ARID1A: variants seen among roughly 807,000 people sequenced by gnomAD.
The protein encoded by ARID1A is AT-rich interaction domain 1A.
Under a neutral mutation model 212.6 loss-of-function variants are expected in ARID1A, and 20 were observed. The ratio of observed to expected loss-of-function variants is 0.09; its 90% CI spans 0.07 to 0.14. The LOEUF is 0.14. ARID1A is among the 10% of genes least tolerant of loss of function. The probability of loss-of-function intolerance (pLI) is 1.00; values close to 1 mark genes in which losing one functional copy is unlikely to be tolerated. For missense variants in ARID1A, 2,587 were observed against 3,059.0 expected (o/e 0.85, Z 3.64); for synonymous variants, 1,376 against 1,222.1 (o/e 1.13, Z -2.63).
chr1:26,729,819 G>A lies in ARID1A; in HGVS notation c.1306G>A (p.Gly436Ser), dbSNP rs2124785615. The A allele has an allele frequency of 6.2e-7, 1 of 1,614,194 alleles. No individual in the cohort carries two copies. Among genetic ancestry groups the A allele is most frequent in the Admixed American group, 1.7e-5 (1 of 60,032 alleles). Residue 436 changes from glycine to serine, a missense_variant, in exon 2 of 20, where the codon GGC becomes AGC. This residue lies in a region of ARID1A where 674 missense variants were observed against 813.4 expected (regional missense o/e 0.83). Coordinates refer to ENST00000324856, the MANE Select transcript of ARID1A (RefSeq NM_006015.6). ...GCAGCGGTACCCGATGACCATGCAG[G>A]GCCGGGCGCAGAGTGCCATGGGCGG... Reference protein sequence around the residue: ...TPQRYPMTMQGRAQSAMGGLS... With the variant: ...TPQRYPMTMQSRAQSAMGGLS...
chr1:26,754,812 T>G (rs568582098), intron 4 of ARID1A, among the ~76,000 whole-genome samples: 1 of 152,204 alleles, frequency 6.6e-6, no homozygotes. Context: ...AGGCATCAGC[T>G]TCCTCATCTT....
At chr1:26,757,727 G>T (rs913963643) in intron 4 of ARID1A, among the ~76,000 whole-genome samples, 1 of 151,776 alleles carries the variant, frequency 6.6e-6, no homozygotes, top group Admixed American at 6.6e-5. Flanking sequence ...GAATGCAGTG[G>T]TGCTATCTTG....
At chr1:26,711,454 G>A (rs2080453251) in intron 1 of ARID1A, among the ~76,000 whole-genome samples, 1 of 152,040 alleles carries the variant, frequency 6.6e-6, no homozygotes, top group Non-Finnish European at 1.5e-5. Flanking sequence ...AGCCCATCAT[G>A]GGGGCACACC....
rs2080254294 is a variant in ARID1A at position 26,696,474 on chromosome 1, T to A, written c.71T>A (p.Leu24Gln). The A allele has an allele frequency of 1.6e-6, 2 of 1,258,604 alleles. No homozygotes were observed. Among genetic ancestry groups the A allele is most frequent in the Non-Finnish European group, 2.0e-6 (2 of 1,005,348 alleles). 78.0% of individuals were successfully genotyped at this position (1,258,604 alleles called of 1,614,324 possible). The change falls in exon 1 of 20, where the codon CTG (leucine) becomes CAG (glutamine). Residue 24 changes from leucine to glutamine, a missense_variant. By Grantham distance (113) the Leu-to-Gln change is moderately radical. Around this residue, in one of 11 missense-constraint regions of ARID1A, gnomAD observed 735 missense variants for 590.6 expected, o/e 1.24. Coordinates refer to ENST00000324856, the MANE Select transcript of ARID1A (RefSeq NM_006015.6). ...GNPPPPPPSE[L>Q]KKAEQQQREE... is the part of the protein sequence containing the mutation. ...CCGCCGCCGCCGCCGCCCTCGGAGC[T>A]GAAGAAAGCCGAGCAGCAGCAGCGG...
intron 4 of ARID1A, among the ~76,000 whole-genome samples, chr1:26,750,606 A>C (rs1008921781): frequency 2.0e-5 from 3 of 152,032 alleles, no homozygotes; most frequent in African/African-American, 7.2e-5. Flanking sequence ...GAAGTGGCCT[A>C]AGAGGAGGCC....
At chr1:26,697,605 T>G (rs2124745714) in intron 1 of ARID1A, 65 bp downstream of exon 1, 1 of 1,258,188 alleles carries the variant, frequency 7.9e-7, no homozygotes. Context: ...GCGGCTGCGG[T>G]GAGCGGGCCA....
chr1:26,705,956 T>A (rs538328150), intron 1 of ARID1A, among the ~76,000 whole-genome samples: 1 of 152,230 alleles, frequency 6.6e-6, no homozygotes, highest in Non-Finnish European at 1.5e-5. Flanking sequence ...GGAAATTTGA[T>A]CCCTAAAATG....
chr1:26,730,568 A>T (rs2080665006), intron 2 of ARID1A, among the ~76,000 whole-genome samples: 1 of 152,234 alleles, frequency 6.6e-6, no homozygotes, highest in South Asian at 2.1e-4. Flanking sequence ...TAGAGGAGAG[A>T]TGAGGTAATT....
chr1:26,696,843 C>A lies in ARID1A; in HGVS notation c.440C>A (p.Ala147Asp), dbSNP rs1305237228. The A allele has an allele frequency of 1.5e-6, 2 of 1,341,220 alleles. No homozygotes were observed. Among genetic ancestry groups the A allele is most frequent in the African/African-American group, 1.5e-5 (1 of 64,722 alleles). The allele number at this position is 1,341,220 out of a possible 1,614,324, so 83.1% of individuals were successfully genotyped here. A position where few individuals can be genotyped will look rare whatever the true frequency, so the allele number is the denominator to read the frequency against. The change falls in exon 1 of 20, where the codon GCC becomes GAC. Residue 147 changes from alanine to aspartate, a missense_variant. Transcript: ENST00000324856. ...GCCGCGGCCGCCTTGCCGCCCCCAGCCTACGGCTTCGGGCAACCCTACGGC... is the reference window on the plus strand; with the variant it reads ...GCCGCGGCCGCCTTGCCGCCCCCAGACTACGGCTTCGGGCAACCCTACGGC... ...HSAAAALPPP[A>D]YGFGQPYGRS... is the part of the protein sequence containing the mutation.
chr1:26,704,929 A>G (rs550505349), intron 1 of ARID1A, among the ~76,000 whole-genome samples: 2 of 152,216 alleles, frequency 1.3e-5, no homozygotes, highest in African/African-American at 4.8e-5. Flanking sequence ...CTGCTCACCA[A>G]TGCTTAATCC....
rs1375454171 is a variant in ARID1A at position 26,762,145 on chromosome 1, C to T, written c.2252-7C>T. 6.2e-7 allele frequency: 1 copy of T among 1,609,730 alleles called. No homozygotes were observed. Among genetic ancestry groups the T allele is most frequent in the East Asian group, 2.2e-5 (1 of 44,778 alleles). ...CTAATAACTATATGGATGCTACCCACAAATAGGTTATATGCAGAGGAACCC... is the reference window on the plus strand; with the variant it reads ...CTAATAACTATATGGATGCTACCCATAAATAGGTTATATGCAGAGGAACCC... On this transcript the variant is annotated splice_polypyrimidine_tract_variant and splice_region_variant and intron_variant, in intron 6 of 19. Coordinates refer to ENST00000324856, the MANE Select transcript of ARID1A (RefSeq NM_006015.6).
rs2124059666 is a variant in ARID1A, at chr1:26,761,433, G to A, written c.2211G>A (p.Met737Ile). The change falls in exon 6 of 20, where the codon ATG becomes ATA. Residue 737 changes from methionine (M) to isoleucine (I), a missense_variant. Coordinates refer to ENST00000324856, the MANE Select transcript of ARID1A (RefSeq NM_006015.6). ...RPPSGQSDSIMHPSMNQSSIA... is the reference protein window; with the variant it reads ...RPPSGQSDSIIHPSMNQSSIA... ...CCAGTGGCCAGTCGGACAGCATCAT[G>A]CATCCTTCCATGAACCAATCAAGCA... 2 of 1,614,196 alleles carry A rather than the reference G, an allele frequency of 1.2e-6. No individual in the cohort carries two copies. The highest frequency in any genetic ancestry group is 8.5e-7 in the Non-Finnish European group (1 of 1,180,044).
chr1:26,779,119 C>A lies in ARID1A; in HGVS notation c.5221C>A (p.Gln1741Lys), dbSNP rs2124137197. 6.4e-7 allele frequency: 1 copy of A among 1,565,136 alleles called. No individual in the cohort carries two copies. The highest frequency in any genetic ancestry group is 8.7e-7 in the Non-Finnish European group (1 of 1,154,980). The change falls in exon 20 of 20, where the codon CAG (glutamine) becomes AAG (lysine). Residue 1741 changes from glutamine (Q) to lysine (K), a missense_variant. By Grantham distance (53) the Gln-to-Lys change is moderately conservative (BLOSUM62 1). Around this residue, in one of 11 missense-constraint regions of ARID1A, gnomAD observed 890 missense variants for 1,098.2 expected, o/e 0.81. Coordinates refer to ENST00000324856, the MANE Select transcript of ARID1A (RefSeq NM_006015.6). ...LKEYEVGDPG[Q>K]RTLLDPGRFS... ...GGAGTATGAGGTGGGTGACCCAGGA[C>A]AGAGAACGCTACTGGATCCTGGGAG...
intron 4 of ARID1A, among the ~76,000 whole-genome samples, chr1:26,757,469 CAAAA>C (rs753801327): frequency 7.9e-5 from 5 of 63,612 alleles, no homozygotes; most frequent in Admixed American, 1.7e-4. Context: ...GACTCCGTCT[CAAAA>C]AAAAAAAAAA....
intron 6 of ARID1A, 99 bp downstream of exon 6, chr1:26,761,572 G>A (rs2080992637): frequency 8.8e-7 from 1 of 1,139,586 alleles, no homozygotes; most frequent in African/African-American, 1.6e-5. Flanking sequence ...TGAAGCTTAG[G>A]ACAATCCCTG....
Position 26,763,227 on chromosome 1 carries a change from C to T in ARID1A, c.2674C>T (p.Arg892Trp), listed in dbSNP as rs2124070190. 3.1e-6 allele frequency: 5 copies of T among 1,613,646 alleles called. No homozygotes were observed. The highest frequency in any genetic ancestry group is 2.2e-5 in the East Asian group (1 of 44,866). The part of the protein sequence containing the change: ...GMCPPPGGMN[R>W]KTQETAVAMH... ...GTGTCCCCCACCAGGGGGCATGAACCGGAAAACCCAAGAAACTGCTGTCGC... is the reference window on the plus strand; with the variant it reads ...GTGTCCCCCACCAGGGGGCATGAACTGGAAAACCCAAGAAACTGCTGTCGC... Residue 892 changes from arginine (R) to tryptophan (W), a missense_variant, in exon 8 of 20, where the codon CGG becomes TGG. Arg to Trp is a moderately radical substitution (Grantham distance 101). Transcript: ENST00000324856.
intron 1 of ARID1A, among the ~76,000 whole-genome samples, chr1:26,727,498 T>C (rs752173527): frequency 5.3e-5 from 8 of 152,230 alleles, no homozygotes; most frequent in Non-Finnish European, 1.2e-4. Flanking sequence ...GGCCAGTGCT[T>C]CTCTAGATCA....
intron 3 of ARID1A, among the ~76,000 whole-genome samples, chr1:26,732,298 A>G (rs756311192): frequency 8.5e-5 from 13 of 152,194 alleles, no homozygotes; most frequent in Non-Finnish European, 1.8e-4. Flanking sequence ...GTTGGAATAA[A>G]TATCTCATCC....
chr1:26,719,769 C>T (rs1443531343), intron 1 of ARID1A, among the ~76,000 whole-genome samples: 1 of 150,490 alleles, frequency 6.6e-6, no homozygotes, highest in Non-Finnish European at 1.5e-5. Context: ...GATGAAAACC[C>T]GTCTCTACTA....
Sources: gnomAD v4.1 joint callset for allele counts (sites outside exome capture counted in the v4.1 genomes callset) on GRCh38, gnomAD v4.1.1 for gene constraint, gnomAD v4.1.1 regional missense constraint, MANE v1.5 for transcripts, NCBI Gene and HGNC (gene_info 2026-07-23, HGNC 2026-07-21) for gene names.